DENND11: variants seen among roughly 807,000 people sequenced by gnomAD.
The protein encoded by DENND11 is DENN domain-containing protein 11.
Under a neutral mutation model 49.2 loss-of-function variants are expected in DENND11, and 34 were observed. The observed-to-expected ratio is 0.69, with a 90% CI of 0.53 to 0.92. The LOEUF is 0.92. Ranked by LOEUF, DENND11 falls within the 40% of genes least tolerant of loss-of-function variation. The probability of loss-of-function intolerance (pLI) is 0.00; values close to 1 mark genes in which losing one functional copy is unlikely to be tolerated. For missense variants in DENND11, 475 were observed against 581.6 expected (o/e 0.82, Z 1.88); for synonymous variants, 238 against 230.3 (o/e 1.03, Z -0.30).
chr7:141,696,660 T>A (rs1254889798), intron 1 of DENND11, among the ~76,000 whole-genome samples: 4 of 152,180 alleles, frequency 2.6e-5, no homozygotes, highest in Non-Finnish European at 5.9e-5. Context: ...ATGCCCTGAT[T>A]GTAATCAGGA....
chr7:141,670,016 T>C (rs1302756827), intron 4 of DENND11, among the ~76,000 whole-genome samples: 7 of 151,020 alleles, frequency 4.6e-5, no homozygotes, highest in Middle Eastern at 3.2e-3. Flanking sequence ...TTCACCGTGT[T>C]AGCCAGGATG....
At chr7:141,670,736 A>G (rs1340575226) in intron 4 of DENND11, among the ~76,000 whole-genome samples, 2 of 152,248 alleles carry the variant, frequency 1.3e-5, no homozygotes, top group African/African-American at 2.4e-5. Flanking sequence ...GTCGTAAGTC[A>G]AGGACTGTTG....
intron 1 of DENND11, among the ~76,000 whole-genome samples, chr7:141,690,450 G>A (rs192119815): frequency 6.6e-6 from 1 of 152,218 alleles, no homozygotes; most frequent in African/African-American, 2.4e-5. Flanking sequence ...TGTCTGCCCA[G>A]TAGACTTCAA....
intron 2 of DENND11, among the ~76,000 whole-genome samples, 167 bp downstream of exon 2, chr7:141,686,392 G>C (rs1307792891): frequency 6.6e-6 from 1 of 152,196 alleles, no homozygotes; most frequent in Non-Finnish European, 1.5e-5. Flanking sequence ...TCTGATGAAA[G>C]CTAGACATCT....
chr7:141,679,448 C>T (rs978929374), intron 3 of DENND11, among the ~76,000 whole-genome samples: 4 of 152,186 alleles, frequency 2.6e-5, no homozygotes, highest in African/African-American at 4.8e-5. Context: ...TGTGGTGGCT[C>T]ATGCCTGTAA....
chr7:141,661,008 T>C lies in DENND11; in HGVS notation c.*1648A>G, dbSNP rs1428200352. 6.6e-6 allele frequency: 1 copy of C among 152,286 alleles called. No homozygotes were observed. The allele number at this position is 152,286 out of a possible 1,614,324, so 9.4% of individuals were successfully genotyped here. On this transcript the variant is annotated 3_prime_UTR_variant, in exon 9 of 9. Transcript: ENST00000536163. ...ATCAATGTCTATTTGCATTTCCACA[T>C]GTGAATTTCTTCAGTTTTGATATTC...
At chr7:141,669,683 GA>G (rs1797948282) in intron 4 of DENND11, among the ~76,000 whole-genome samples, 1 of 151,516 alleles carries the variant, frequency 6.6e-6, no homozygotes, top group African/African-American at 2.4e-5. Flanking sequence ...TTCCATACAT[GA>G]CAAGTATTGT....
In DENND11 at chr7:141,702,109, C is replaced by T; in HGVS notation, c.45G>A (p.Glu15=). Residue 15 remains glutamate (E), a synonymous_variant, in exon 1 of 9, where the codon GAG becomes GAA. Transcript: ENST00000536163. Reference sequence around the variant, plus strand: ...CCTGCGGCAGGGAGACGGCGGGGCCCTCGGCCCAGCGCAGCAGCGGCGCCG... The same window carrying T: ...CCTGCGGCAGGGAGACGGCGGGGCCTTCGGCCCAGCGCAGCAGCGGCGCCG... ...GDAAPLLRWA[E]GPAVSLPQAP... 1 of 984,180 alleles carries T rather than the reference C, an allele frequency of 1.0e-6. No individual in the cohort carries two copies. The highest frequency in any genetic ancestry group is 1.2e-6 in the Non-Finnish European group (1 of 830,538). 61.0% of individuals were successfully genotyped at this position (984,180 alleles called of 1,614,324 possible).
At chr7:141,665,391 C>A in intron 5 of DENND11, 73 bp from the exon 6 acceptor site, 1 of 1,578,800 alleles carries the variant, frequency 6.3e-7, no homozygotes, top group Non-Finnish European at 8.6e-7. Flanking sequence ...GCCTGCGGCT[C>A]AACACCTCTG....
intron 3 of DENND11, among the ~76,000 whole-genome samples, chr7:141,674,886 C>A (rs1041762153): frequency 6.6e-6 from 1 of 152,258 alleles, no homozygotes; most frequent in South Asian, 2.1e-4. Flanking sequence ...GAAGGCAGCA[C>A]CGAAGCCCTG....
At chr7:141,669,895 C>T (rs1452782310) in intron 4 of DENND11, among the ~76,000 whole-genome samples, 4 of 147,818 alleles carry the variant, frequency 2.7e-5, no homozygotes, top group African/African-American at 5.1e-5. Flanking sequence ...CTGCAGGCTC[C>T]GCCCCCTGGG....
intron 3 of DENND11, among the ~76,000 whole-genome samples, chr7:141,681,236 G>GT (rs1270823010): frequency 6.6e-6 from 1 of 152,190 alleles, no homozygotes; most frequent in Non-Finnish European, 1.5e-5. Flanking sequence ...GTGAGCTACT[G>GT]TAAGAATAAG....
intron 3 of DENND11, 80 bp from the exon 4 acceptor site, chr7:141,674,300 C>A (rs1798032667): frequency 7.1e-7 from 1 of 1,407,232 alleles, no homozygotes; most frequent in African/African-American, 1.5e-5. Context: ...CCACTCCTAC[C>A]CTCCGCCCAC....
intron 3 of DENND11, among the ~76,000 whole-genome samples, chr7:141,684,701 T>A (rs1012162119): frequency 1.3e-5 from 2 of 152,152 alleles, no homozygotes; most frequent in African/African-American, 4.8e-5. Context: ...GGATATATAT[T>A]GTATGATGCC....
At chr7:141,697,324 G>A (rs1375015967) in intron 1 of DENND11, among the ~76,000 whole-genome samples, 1 of 152,180 alleles carries the variant, frequency 6.6e-6, no homozygotes, top group Non-Finnish European at 1.5e-5. Context: ...CTTCACAGCA[G>A]ATGGCTACAA....
intron 2 of DENND11, 73 bp downstream of exon 2, chr7:141,686,486 G>A (rs1798244583): frequency 1.1e-6 from 1 of 912,096 alleles, no homozygotes; most frequent in African/African-American, 1.6e-5. Flanking sequence ...CCTAATAAGA[G>A]CCCTTCAGCT....
chr7:141,676,244 A>T (rs555813621), intron 3 of DENND11, among the ~76,000 whole-genome samples: 2 of 151,482 alleles, frequency 1.3e-5, no homozygotes, highest in South Asian at 4.2e-4. Context: ...ATATTTTTTC[A>T]TTCAAAGTTG....
At chr7:141,701,605 G>A (rs1798518607) in intron 1 of DENND11, 1 of 218,690 alleles carries the variant, frequency 4.6e-6, no homozygotes, top group Admixed American at 5.9e-5. Context: ...CTGGGACTCA[G>A]AGGAGAGGAG....
chr7:141,660,423 C>T lies in DENND11; in HGVS notation c.*2233G>A, dbSNP rs948385772. 2 of 152,150 alleles carry T rather than the reference C, an allele frequency of 1.3e-5. No individual in the cohort carries two copies. Among genetic ancestry groups the T allele is most frequent in the Admixed American group, 6.5e-5 (1 of 15,272 alleles). 9.4% of individuals were successfully genotyped at this position (152,150 alleles called of 1,614,324 possible). On this transcript the variant is annotated 3_prime_UTR_variant, in exon 9 of 9. Transcript: ENST00000536163. The stretch of plus-strand genomic sequence containing the variant: ...GTGGAGATGTGAGACAGAAAGCTAC[C>T]GAGACAAGCACAAAGTTAAGGGAAC...
Sources: allele counts gnomAD v4.1 joint callset (sites outside exome capture counted in the v4.1 genomes callset), GRCh38; gene constraint gnomAD v4.1.1; transcripts MANE v1.5; gene names NCBI Gene and HGNC (gene_info 2026-07-23, HGNC 2026-07-21).